The following LRRC37A2 variants were observed in gnomAD, a reference collection of about 807,000 sequenced individuals.
LRRC37A2 encodes the protein leucine-rich repeat-containing protein 37A2.
Under a neutral mutation model 68.8 loss-of-function variants are expected in LRRC37A2, and 9 were observed. That is an observed-to-expected ratio of 0.13 (90% CI 0.08 to 0.23). The LOEUF (loss-of-function observed/expected upper bound fraction) is 0.23, where lower values mean the gene tolerates loss of function less well. Ranked by LOEUF, LRRC37A2 falls within the 10% of genes least tolerant of loss-of-function variation. LRRC37A2 has a pLI of 1.00. For missense variants in LRRC37A2, 168 were observed against 950.4 expected, an observed-to-expected ratio of 0.18 and a Z score of 10.82; for synonymous variants, 63 against 367.6, an observed-to-expected ratio of 0.17 and a Z score of 9.48.
At chr17:46,892,098 T>C in the LRRC37A2 span, among the ~76,000 whole-genome samples, 1 of 151,848 alleles carries the variant, frequency 6.6e-6, no homozygotes. Context: ...TTTGTATTTT[T>C]AGTAGAGATG....
rs577762162 is a variant in LRRC37A2 at position 46,551,125 on chromosome 17, T to TG, written c.4809+607dup. Among the ~76,000 whole-genome samples the TG allele has an allele frequency of 3.8e-3, 577 of 149,930 alleles. 8 individuals carry two copies. The highest frequency in any genetic ancestry group is 0.014 in the African/African-American group (554 of 39,286). Reference sequence around the variant, plus strand: ...CTAGCCCTCCTGAGCCTAGACCCTCTGTGAGATGTGTCACCATTTCTTGGA... The same window carrying TG: ...CTAGCCCTCCTGAGCCTAGACCCTCTGGTGAGATGTGTCACCATTTCTTGGA... On this transcript the variant is annotated intron_variant, in intron 11 of 14. Coordinates refer to ENST00000576629, the Ensembl canonical transcript of LRRC37A2.
At chr17:47,022,600 T>A in the LRRC37A2 span, among the ~76,000 whole-genome samples, 1 of 152,228 alleles carries the variant, frequency 6.6e-6, no homozygotes, top group Non-Finnish European at 1.5e-5. Flanking sequence ...TTTTCCCCAT[T>A]TACCTACATA....
intron 10 of LRRC37A2, among the ~76,000 whole-genome samples, 194 bp from the exon 10 acceptor site, chr17:46,550,221 G>A (rs2145813623): frequency 3.0e-5 from 1 of 33,898 alleles, no homozygotes; most frequent in East Asian, 4.1e-4. Context: ...AGGCTGAGGT[G>A]GGAGGATCAC....
At chr17:46,929,572 C>T in the LRRC37A2 span, 6 of 1,516,400 alleles carry the variant, frequency 4.0e-6, no homozygotes, top group Non-Finnish European at 5.5e-6. Context: ...GGCAGACAAG[C>T]AGTCTGTGCA....
At chr17:46,816,469 A>ACACACG in the LRRC37A2 span, among the ~76,000 whole-genome samples, 1 of 77,404 alleles carries the variant, frequency 1.3e-5, no homozygotes, top group Non-Finnish European at 2.3e-5. Context: ...TAGACCCAGA[A>ACACACG]CACACGCACA....
At chr17:46,766,830 G>A in the LRRC37A2 span, among the ~76,000 whole-genome samples, 4 of 152,230 alleles carry the variant, frequency 2.6e-5, no homozygotes, top group African/African-American at 7.2e-5. Flanking sequence ...GGCTGCTCTC[G>A]CCCAGCAGCA....
chr17:46,788,792 C>T, the LRRC37A2 span, among the ~76,000 whole-genome samples: 1 of 152,200 alleles, frequency 6.6e-6, no homozygotes. Flanking sequence ...CCTCAGCAGC[C>T]CCACTGAGTG....
chr17:46,755,857 G>C, the LRRC37A2 span: 1 of 1,607,156 alleles, frequency 6.2e-7, no homozygotes, highest in Non-Finnish European at 8.5e-7. Flanking sequence ...GTGACCAAGG[G>C]AAGTGACCAA....
chr17:46,609,900 C>A, the LRRC37A2 span, among the ~76,000 whole-genome samples: 148 of 142,350 alleles, frequency 1.0e-3, no homozygotes, highest in African/African-American at 3.5e-3. Context: ...ATCAGGGCTC[C>A]CTGTAGCCTT....
chr17:46,776,906 C>T, the LRRC37A2 span, among the ~76,000 whole-genome samples: 2 of 152,246 alleles, frequency 1.3e-5, no homozygotes, highest in East Asian at 3.9e-4. Flanking sequence ...TTCCTGCCTC[C>T]TCCTTCCTCC....
chr17:46,906,294 T>A, the LRRC37A2 span, among the ~76,000 whole-genome samples: 2 of 152,014 alleles, frequency 1.3e-5, no homozygotes, highest in Non-Finnish European at 2.9e-5. Flanking sequence ...AAAATAGACA[T>A]AAGGTCGGAA....
chr17:46,953,452 G>A, the LRRC37A2 span, among the ~76,000 whole-genome samples: 4 of 152,160 alleles, frequency 2.6e-5, no homozygotes, highest in Admixed American at 6.5e-5. Context: ...TATCATTGTT[G>A]GACATTTGGG....
At chr17:46,765,005 GT>G in the LRRC37A2 span, among the ~76,000 whole-genome samples, 1 of 152,262 alleles carries the variant, frequency 6.6e-6, no homozygotes, top group African/African-American at 2.4e-5. Flanking sequence ...GGCATGCACT[GT>G]GTTTTTGTAC....
chr17:46,384,282 TAAAA>T, the LRRC37A2 span, among the ~76,000 whole-genome samples: 1 of 41,264 alleles, frequency 2.4e-5, no homozygotes, highest in East Asian at 4.8e-4. Flanking sequence ...CCCACTCCTT[TAAAA>T]AAAAAAAAAA....
chr17:46,621,341 C>T, the LRRC37A2 span, among the ~76,000 whole-genome samples: 1 of 138,222 alleles, frequency 7.2e-6, no homozygotes, highest in Non-Finnish European at 1.6e-5. Flanking sequence ...GACTGGAGTA[C>T]AGTGACACGA....
chr17:46,779,103 A>ACACACACACACACACCCCCCC, the LRRC37A2 span, among the ~76,000 whole-genome samples: 1 of 133,586 alleles, frequency 7.5e-6, no homozygotes, highest in Admixed American at 7.8e-5. Context: ...ACACACACAC[A>ACACACACACACACACCCCCCC]CCCCAGCCCA....
chr17:46,503,303 T>C, the LRRC37A2 span, among the ~76,000 whole-genome samples: 2 of 149,400 alleles, frequency 1.3e-5, no homozygotes, highest in African/African-American at 5.1e-5. Flanking sequence ...TTTTACTTGC[T>C]CATTGTTTTA....
the LRRC37A2 span, chr17:46,876,346 G>A: frequency 4.2e-5 from 67 of 1,614,118 alleles, no homozygotes; most frequent in Non-Finnish European, 4.7e-5. Flanking sequence ...TCCGTGAGAC[G>A]GGCCAGGTGC....
chr17:46,752,656 A>G, the LRRC37A2 span, among the ~76,000 whole-genome samples: 3 of 152,274 alleles, frequency 2.0e-5, no homozygotes, highest in African/African-American at 4.8e-5. Context: ...TGGTTTCACT[A>G]TGTTGCCCAG....
Sources: gnomAD v4.1 joint callset for allele counts (sites outside exome capture counted in the v4.1 genomes callset) on GRCh38, gnomAD v4.1.1 for gene constraint, MANE v1.5 for transcripts, NCBI Gene and HGNC (gene_info 2026-07-23, HGNC 2026-07-21) for gene names.